The following BAIAP2 variants were observed in gnomAD, a reference collection of about 807,000 sequenced individuals.
BAIAP2 encodes the protein BAR/IMD domain-containing adapter protein 2.
BAIAP2 carries 18 observed loss-of-function variants against 63.0 expected under a neutral mutation model. The ratio of observed to expected loss-of-function variants is 0.29; its 90% CI spans 0.20 to 0.42. The LOEUF (loss-of-function observed/expected upper bound fraction) is 0.42. Among genes scored for constraint, BAIAP2 ranks in the 10% least tolerant of loss-of-function variants. BAIAP2 has a pLI of 1.00. For synonymous variants in BAIAP2, 386 were observed against 307.6 expected (o/e 1.25, Z -2.67); for missense variants, 610 against 734.3 (o/e 0.83, Z 1.96).
At chr17:81,043,622 G>A (rs1348123094) in intron 1 of BAIAP2, among the ~76,000 whole-genome samples, 1 of 152,178 alleles carries the variant, frequency 6.6e-6, no homozygotes, top group Non-Finnish European at 1.5e-5. Flanking sequence ...CCTGGCACCC[G>A]GGAGGCCCTG....
intron 3 of BAIAP2, among the ~76,000 whole-genome samples, chr17:81,058,284 G>C (rs935652732): frequency 2.0e-5 from 3 of 152,136 alleles, no homozygotes; most frequent in African/African-American, 4.8e-5. Context: ...TAGATGGCGT[G>C]GGAATTCATT....
intron 3 of BAIAP2, among the ~76,000 whole-genome samples, chr17:81,060,512 C>T (rs1283421413): frequency 6.6e-6 from 1 of 152,158 alleles, no homozygotes; most frequent in Non-Finnish European, 1.5e-5. Flanking sequence ...GTGCTATAGC[C>T]CGTGTCAGGG....
intron 3 of BAIAP2, among the ~76,000 whole-genome samples, chr17:81,073,313 G>T (rs8072172): frequency 0.91 from 138,857 of 152,092 alleles, 63,927 homozygotes; most frequent in East Asian, 1. Context: ...TCAGATACTC[G>T]GACCTCTTGG....
chr17:81,094,323 C>T (rs2057295891), intron 6 of BAIAP2, among the ~76,000 whole-genome samples: 1 of 152,166 alleles, frequency 6.6e-6, no homozygotes, highest in Non-Finnish European at 1.5e-5. Flanking sequence ...ACCAGACTGT[C>T]CATCCCAATA....
rs571667678 is a variant in BAIAP2 at position 81,081,443 on chromosome 17, G to C, written c.218-3389G>C. On this transcript the variant is annotated intron_variant, in intron 3 of 13. Transcript: ENST00000428708. ...AGCATCTTGGCCACCCAGGGTGGATGGTGGAGGGGCCACGTGGCTGTGGGC... is the reference window on the plus strand; with the variant it reads ...AGCATCTTGGCCACCCAGGGTGGATCGTGGAGGGGCCACGTGGCTGTGGGC... 7.9e-5 allele frequency among the ~76,000 whole-genome samples: 12 copies of C among 152,296 alleles called. No homozygotes were observed. The East Asian group carries it at 2.3e-3, about 30-fold the overall frequency.
rs2146250244 is a variant in BAIAP2, at chr17:81,116,006, G to A, written c.*167G>A. 1.4e-6 allele frequency: 2 copies of A among 1,469,600 alleles called. No homozygotes were observed. The highest frequency in any genetic ancestry group is 2.5e-5 in the East Asian group (1 of 40,274). The allele number at this position is 1,469,600 out of a possible 1,614,324, so 91.0% of individuals were successfully genotyped here. On this transcript the variant is annotated 3_prime_UTR_variant, in exon 14 of 14. Coordinates refer to ENST00000428708, the MANE Select transcript of BAIAP2 (RefSeq NM_001144888.2). ...ACTGGATCCCAGCTGTTCTAGGCAG[G>A]GCCGGGCAGAGTGGGGCGCAGGCCC...
chr17:81,092,657 C>T (rs1008109623), intron 6 of BAIAP2, among the ~76,000 whole-genome samples: 7 of 152,190 alleles, frequency 4.6e-5, no homozygotes, highest in Non-Finnish European at 7.4e-5. Context: ...TTAACTAGGA[C>T]GGGAGAGCTT....
At chr17:81,067,660 C>T (rs975525991) in intron 3 of BAIAP2, among the ~76,000 whole-genome samples, 1 of 152,218 alleles carries the variant, frequency 6.6e-6, no homozygotes, top group Non-Finnish European at 1.5e-5. Flanking sequence ...GAGTCTCACT[C>T]AGCAAGAGGC....
intron 10 of BAIAP2, chr17:81,105,710 C>G (rs1033083972): frequency 8.8e-6 from 2 of 226,044 alleles, no homozygotes; most frequent in African/African-American, 4.6e-5. Flanking sequence ...GGGGGTCTCC[C>G]AGGAGGCTGC....
chr17:81,113,365 G>A (rs1278899492), intron 13 of BAIAP2, among the ~76,000 whole-genome samples: 2 of 152,232 alleles, frequency 1.3e-5, no homozygotes, highest in East Asian at 1.9e-4. Context: ...CGTGTCCTCC[G>A]GCAGGGACCA....
At chr17:81,094,860 C>G (rs551262911) in intron 6 of BAIAP2, among the ~76,000 whole-genome samples, 76 of 152,324 alleles carry the variant, frequency 5.0e-4, no homozygotes, top group African/African-American at 1.7e-3. Context: ...CAGCTGAAGG[C>G]CAAGAATTAC....
chr17:81,062,706 G>A lies in BAIAP2; in HGVS notation c.217+4739G>A, dbSNP rs1417966446. Among the ~76,000 whole-genome samples the A allele has an allele frequency of 1.7e-4, 23 of 132,776 alleles. No individual in the cohort carries two copies. The East Asian group carries it at 4.8e-3, about 28-fold the overall frequency. The allele number at this position is 132,776 out of a possible 152,430, so 87.1% of individuals were successfully genotyped here. ...TTCTTTCCTTTTTTTTTTTTTTTTC[G>A]GTTAGGTTTCTGAGTGGGTGAACGG... On this transcript the variant is annotated intron_variant, in intron 3 of 13. Coordinates refer to ENST00000428708, the MANE Select transcript of BAIAP2 (RefSeq NM_001144888.2).
In BAIAP2 at chr17:81,104,185, C is replaced by T. The variant is rs1309079011; in HGVS notation, c.1066+77C>T. 3.4e-6 allele frequency: 5 copies of T among 1,467,262 alleles called. No homozygotes were observed. In the African/African-American group the frequency reaches 4.2e-5, roughly 12 times the overall value. 90.9% of individuals were successfully genotyped at this position (1,467,262 alleles called of 1,614,324 possible). A position where few individuals can be genotyped will look rare whatever the true frequency, so the allele number is the denominator to read the frequency against. ...GACCCTACAGTCATGCCACAACCCT[C>T]AATAGGGGCCTGGGAGACCCTGAGG... On this transcript the variant is annotated intron_variant, in intron 9 of 13. Coordinates refer to ENST00000428708, the MANE Select transcript of BAIAP2 (RefSeq NM_001144888.2).
intron 6 of BAIAP2, among the ~76,000 whole-genome samples, chr17:81,094,532 T>C (rs1421308786): frequency 6.6e-6 from 1 of 152,200 alleles, no homozygotes. Context: ...CTCTTCCACC[T>C]GCCACCGGGG....
intron 2 of BAIAP2, among the ~76,000 whole-genome samples, chr17:81,056,726 G>C (rs545088110): frequency 1.8e-4 from 28 of 152,354 alleles, no homozygotes; most frequent in Admixed American, 7.2e-4. Flanking sequence ...TGATGGCCTG[G>C]TGGGAATGAG....
intron 3 of BAIAP2, among the ~76,000 whole-genome samples, chr17:81,058,344 C>T (rs2049978092): frequency 6.6e-6 from 1 of 152,200 alleles, no homozygotes; most frequent in Non-Finnish European, 1.5e-5. Flanking sequence ...TGTGGTGTGG[C>T]CCTGAGGAAG....
At chr17:81,048,997 C>A (rs2048254685) in intron 1 of BAIAP2, among the ~76,000 whole-genome samples, 1 of 152,206 alleles carries the variant, frequency 6.6e-6, no homozygotes, top group South Asian at 2.1e-4. Flanking sequence ...CATAGGCAGG[C>A]CGGCCCAGGA....
At chr17:81,050,602 G>A (rs985055934) in intron 1 of BAIAP2, among the ~76,000 whole-genome samples, 1 of 152,166 alleles carries the variant, frequency 6.6e-6, no homozygotes, top group African/African-American at 2.4e-5. Context: ...AGCCAAGCGC[G>A]TGGGGCTCTT....
At chr17:81,095,629 T>G (rs1038438441) in intron 6 of BAIAP2, among the ~76,000 whole-genome samples, 1 of 151,856 alleles carries the variant, frequency 6.6e-6, no homozygotes, top group African/African-American at 2.4e-5. Context: ...AGGCAGGAGG[T>G]GTCAGCTCCC....
Sources: gnomAD v4.1 joint callset for allele counts (sites outside exome capture counted in the v4.1 genomes callset) on GRCh38, gnomAD v4.1.1 for gene constraint, MANE v1.5 for transcripts, NCBI Gene and HGNC (gene_info 2026-07-23, HGNC 2026-07-21) for gene names.